The following SPI1 variants were observed in gnomAD, a reference collection of about 807,000 sequenced individuals.
The protein encoded by SPI1 is Spi-1 proto-oncogene.
In SPI1, 3 loss-of-function variants were observed where a neutral mutation model predicts 30.7. That is an observed-to-expected ratio of 0.10 (90% confidence interval 0.04 to 0.25). The LOEUF (loss-of-function observed/expected upper bound fraction) is 0.25. Among genes scored for constraint, SPI1 ranks in the 10% least tolerant of loss-of-function variants. The probability of loss-of-function intolerance (pLI) is 1.00; values close to 1 mark genes in which losing one functional copy is unlikely to be tolerated. For missense variants in SPI1, 261 were observed against 371.5 expected (o/e 0.70, Z 2.45); for synonymous variants, 169 against 157.1 (o/e 1.08, Z -0.56).
intron 4 of SPI1, among the ~76,000 whole-genome samples, chr11:47,357,646 A>T (rs2095913586): frequency 6.6e-6 from 1 of 151,968 alleles, no homozygotes; most frequent in South Asian, 2.1e-4. Context: ...GCTCACTGCA[A>T]CCTCCACCTC....
At chr11:47,371,667 T>TA (rs202084665) in intron 2 of SPI1, among the ~76,000 whole-genome samples, 47,891 of 138,298 alleles carry the variant, frequency 0.35, 8,244 homozygotes, top group African/African-American at 0.44. Context: ...AACTCCGTCT[T>TA]AAAAAAAAAA....
chr11:47,364,027 C>T (rs192386226), intron 2 of SPI1, among the ~76,000 whole-genome samples: 3 of 147,770 alleles, frequency 2.0e-5, no homozygotes, highest in South Asian at 2.2e-4. Flanking sequence ...AAACCTGAAG[C>T]GAAAACAAAA....
At chr11:47,369,324 A>G (rs2095932534) in intron 2 of SPI1, among the ~76,000 whole-genome samples, 1 of 152,150 alleles carries the variant, frequency 6.6e-6, no homozygotes, top group Non-Finnish European at 1.5e-5. Flanking sequence ...TCTATCTTGA[A>G]TCTGTCCCCC....
At position 47,377,173 on chromosome 11, in the gene SPI1, C is replaced by T. The variant is rs1249438015; in HGVS notation, c.45+1136G>A. The stretch of plus-strand genomic sequence containing the variant: ...GGAGCCCAGCACTGAGCCTGCCCCT[C>T]TGGGTTTCCAGGTAGTACAGCCTCG... On this transcript the variant is annotated intron_variant, in intron 1 of 4. Transcript: ENST00000378538. 2.0e-5 allele frequency among the ~76,000 whole-genome samples: 3 copies of T among 152,198 alleles called. No individual in the cohort carries two copies. In the East Asian group the frequency reaches 5.8e-4, roughly 29 times the overall value.
rs554868182 is a variant in SPI1, at chr11:47,359,110, G to A, written c.331-104C>T. On this transcript the variant is annotated intron_variant, in intron 3 of 4. Transcript: ENST00000378538. The surrounding 1 kb of genome is among the most constrained non-coding windows in gnomAD (Gnocchi z 5.1). ...GGAGAGAAGGAGTGCAGAGGGCAGG[G>A]GACAATGGCAGGCACAGGAGACTGG... 62 of 1,090,890 alleles carry A rather than the reference G, an allele frequency of 5.7e-5. No homozygotes were observed. The Middle Eastern group carries it at 8.5e-4, about 15-fold the overall frequency. 67.6% of individuals were successfully genotyped at this position (1,090,890 alleles called of 1,614,324 possible). A position where few individuals can be genotyped will look rare whatever the true frequency, so the allele number is the denominator to read the frequency against.
At chr11:47,358,394 G>A (rs945909122) in intron 4 of SPI1, 2 of 621,458 alleles carry the variant, frequency 3.2e-6, no homozygotes, top group East Asian at 2.8e-5. Flanking sequence ...GACATCATAC[G>A]TGCACAGCTG....
rs369430651 is a variant in SPI1 at position 47,373,509 on chromosome 11, A to G, written c.142+2124T>C. 1.4e-4 allele frequency among the ~76,000 whole-genome samples: 21 copies of G among 145,584 alleles called. No individual in the cohort carries two copies. The East Asian group carries it at 3.9e-3, about 27-fold the overall frequency. On this transcript the variant is annotated intron_variant, in intron 2 of 4. Transcript: ENST00000378538. ...CTAAAAATACAAAAATTAGCCAGGC[A>G]TGGTAGTGCACGATTGTAATCCTAG...
intron 2 of SPI1, among the ~76,000 whole-genome samples, chr11:47,360,483 C>T (rs558387093): frequency 6.6e-5 from 10 of 152,288 alleles, no homozygotes; most frequent in Middle Eastern, 3.4e-3. Flanking sequence ...AAACACCTCG[C>T]ACCAGAGCCG....
At chr11:47,358,574 C>T (rs1228670017) in intron 4 of SPI1, 6 of 701,466 alleles carry the variant, frequency 8.6e-6, no homozygotes, top group East Asian at 2.7e-5. Context: ...CACACTTGCT[C>T]ACACACACCC....
intron 2 of SPI1, among the ~76,000 whole-genome samples, chr11:47,373,434 G>A (rs2095938453): frequency 6.6e-6 from 1 of 152,080 alleles, no homozygotes; most frequent in Admixed American, 6.6e-5. Context: ...GATCACTTGA[G>A]GTCAGGAGTT....
rs148993121 is a variant in SPI1 at position 47,362,100 on chromosome 11, G to C, written c.143-2060C>G. ...CAGGTCATTCTATTTCTCCAAGCCT[G>C]TGTCCTCATCTGTTAAATGGGGCTA... On this transcript the variant is annotated intron_variant, in intron 2 of 4. Coordinates refer to ENST00000378538, the MANE Select transcript of SPI1 (RefSeq NM_003120.3). Among the ~76,000 whole-genome samples, 67 of 152,310 alleles carry C rather than the reference G, an allele frequency of 4.4e-4. 1 individual carries two copies. The East Asian group carries it at 0.013, about 28-fold the overall frequency.
At chr11:47,357,926 C>T (rs1044667928) in intron 4 of SPI1, among the ~76,000 whole-genome samples, 3 of 151,780 alleles carry the variant, frequency 2.0e-5, no homozygotes, top group Non-Finnish European at 2.9e-5. Flanking sequence ...ATACACATAC[C>T]TGTTCACACA....
intron 4 of SPI1, chr11:47,358,102 AGCTCACACCTTCCT>A (rs2095914617): frequency 5.3e-6 from 1 of 189,856 alleles, no homozygotes; most frequent in African/African-American, 2.3e-5. Flanking sequence ...CACACACCCC[AGCTCACACCTTCCT>A]GCTCACACAC....
chr11:47,355,082 G>A lies in SPI1; in HGVS notation c.*145C>T, dbSNP rs915523504. ...GGGATGTGGAGGGGGCCTGGAGTGGGGGGAGGGGGCGGGTGAGGCGAGGCC... is the reference window on the plus strand; with the variant it reads ...GGGATGTGGAGGGGGCCTGGAGTGGAGGGAGGGGGCGGGTGAGGCGAGGCC... On this transcript the variant is annotated 3_prime_UTR_variant, in exon 5 of 5. Transcript: ENST00000378538. 1.9e-5 allele frequency: 9 copies of A among 478,144 alleles called. No individual in the cohort carries two copies. The East Asian group carries it at 3.8e-4, about 20-fold the overall frequency. The allele number at this position is 478,144 out of a possible 1,614,324, so 29.6% of individuals were successfully genotyped here.
chr11:47,362,086 A>G lies in SPI1; in HGVS notation c.143-2046T>C, dbSNP rs563194794. Reference sequence around the variant, plus strand: ...TGTGTGACAATGGGCAGGTCATTCTATTTCTCCAAGCCTGTGTCCTCATCT... The same window carrying G: ...TGTGTGACAATGGGCAGGTCATTCTGTTTCTCCAAGCCTGTGTCCTCATCT... On this transcript the variant is annotated intron_variant, in intron 2 of 4. Coordinates refer to ENST00000378538, the MANE Select transcript of SPI1 (RefSeq NM_003120.3). Among the ~76,000 whole-genome samples the G allele has an allele frequency of 7.2e-5, 11 of 152,192 alleles. No individual in the cohort carries two copies. The South Asian group carries it at 1.9e-3, about 26-fold the overall frequency.
Position 47,369,416 on chromosome 11 carries a change from T to C in SPI1, c.142+6217A>G, listed in dbSNP as rs1434925782. Among the ~76,000 whole-genome samples, 3 of 152,260 alleles carry C rather than the reference T, an allele frequency of 2.0e-5. No individual in the cohort carries two copies. In the East Asian group the frequency reaches 5.8e-4, roughly 29 times the overall value. Reference sequence around the variant, plus strand: ...ATTATTGCAATAGTTTCCTCAATGTTCTTTTTTCCAGCTCCTATTCTTGCC... The same window carrying C: ...ATTATTGCAATAGTTTCCTCAATGTCCTTTTTTCCAGCTCCTATTCTTGCC... On this transcript the variant is annotated intron_variant, in intron 2 of 4. Transcript: ENST00000378538.
In SPI1 at chr11:47,375,256, G is replaced by A. The variant is rs1184901529; in HGVS notation, c.142+377C>T. ...ACAGAGAGGAGGAGGTGGGTAGTTA[G>A]GCAGGGGCAGAAAAAAAAGCACAGG... On this transcript the variant is annotated intron_variant, in intron 2 of 4. Coordinates refer to ENST00000378538, the MANE Select transcript of SPI1 (RefSeq NM_003120.3). The surrounding 1 kb of genome is among the most constrained non-coding windows in gnomAD (Gnocchi z 4.2). Among the ~76,000 whole-genome samples the A allele has an allele frequency of 2.0e-5, 3 of 152,216 alleles. No individual in the cohort carries two copies. Among genetic ancestry groups the A allele is most frequent in the Non-Finnish European group, 4.4e-5 (3 of 68,032 alleles).
intron 2 of SPI1, among the ~76,000 whole-genome samples, chr11:47,370,909 A>G (rs908156542): frequency 3.3e-5 from 5 of 152,214 alleles, no homozygotes; most frequent in African/African-American, 1.2e-4. Context: ...GTGAATGACT[A>G]AAGTTGAATT....
At chr11:47,356,216 T>C (rs986114848) in intron 4 of SPI1, among the ~76,000 whole-genome samples, 3 of 149,796 alleles carry the variant, frequency 2.0e-5, no homozygotes, top group African/African-American at 7.4e-5. Flanking sequence ...CTCACACACA[T>C]GCTCACACAC....
Sources: gnomAD v4.1 joint callset for allele counts (sites outside exome capture counted in the v4.1 genomes callset) on GRCh38, gnomAD v4.1.1 for gene constraint, Gnocchi (gnomAD v3.1) non-coding constraint, MANE v1.5 for transcripts, NCBI Gene and HGNC (gene_info 2026-07-23, HGNC 2026-07-21) for gene names.